The following USP42 variants were observed in gnomAD, a reference collection of about 807,000 sequenced individuals.
The protein encoded by USP42 is ubiquitin specific peptidase 42, also known as ubiquitin carboxyl-terminal hydrolase 42.
A neutral mutation model predicts 113.0 loss-of-function variants in USP42; 23 were observed. The observed-to-expected ratio is 0.20, with a 90% confidence interval of 0.15 to 0.29. The LOEUF (loss-of-function observed/expected upper bound fraction) is 0.29, where lower values mean the gene tolerates loss of function less well. Among genes scored for constraint, USP42 ranks in the 10% least tolerant of loss-of-function variants. The pLI, the probability that USP42 is intolerant of heterozygous loss-of-function variation, is 1.00. For synonymous variants in USP42, 933 were observed against 699.0 expected (o/e 1.33, Z -5.28); for missense variants, 2,174 against 1,779.8 (o/e 1.22, Z -3.99).
Position 6,159,534 on chromosome 7 carries a change from G to A in USP42, c.*36+41G>A. The A allele has an allele frequency of 6.3e-7, 1 of 1,584,020 alleles. No individual in the cohort carries two copies. Among genetic ancestry groups the A allele is most frequent in the Non-Finnish European group, 8.7e-7 (1 of 1,153,616 alleles). On this transcript the variant is annotated intron_variant, in intron 17 of 17. Transcript: ENST00000306177. This position sits in a 1 kb window ranked among gnomAD's most constrained non-coding sequence, Gnocchi z 4.1. ...GTCTGTTTCCTCATTGTTTGTGGTG[G>A]CGCTGAGGGGACGCAGGCAGAGGAG...
chr7:6,143,606 A>G (rs1781547660), intron 8 of USP42, among the ~76,000 whole-genome samples: 1 of 152,158 alleles, frequency 6.6e-6, no homozygotes, highest in Non-Finnish European at 1.5e-5. Flanking sequence ...TCAAATCTTC[A>G]AGACCAGAGG....
chr7:6,097,911 T>G, the USP42 span, among the ~76,000 whole-genome samples: 1 of 125,542 alleles, frequency 8.0e-6, no homozygotes, highest in Non-Finnish European at 1.7e-5. Flanking sequence ...TCTTTTCTTT[T>G]TTTTTTTTTT....
chr7:6,145,414 C>G (rs1781662829), intron 9 of USP42, 102 bp from the exon 10 acceptor site: 3 of 1,383,900 alleles, frequency 2.2e-6, no homozygotes, highest in East Asian at 2.3e-5. Context: ...CTCAGGTGTT[C>G]TGTGGGTCTC....
rs149175406 is a variant in USP42 at position 6,154,482 on chromosome 7, C to G, written c.2928C>G (p.His976Gln). The change falls in exon 15 of 18, where the codon CAC becomes CAG. Residue 976 changes from histidine (H) to glutamine (Q), a missense_variant. His to Gln is a conservative substitution (Grantham distance 24, BLOSUM62 0). Transcript: ENST00000306177. ...AGAGCAGGAGCAAGACTGAGGGCCA[C>G]CGTCACCGGCGGCGCCGCACCTGCC... ...ARESRSKTEGHRHRRRRTCPR... is the reference protein window; with the variant it reads ...ARESRSKTEGQRHRRRRTCPR... The G allele has an allele frequency of 2.6e-6, 4 of 1,550,506 alleles. No individual in the cohort carries two copies. Among genetic ancestry groups the G allele is most frequent in the Admixed American group, 2.0e-5 (1 of 51,270 alleles).
intron 7 of USP42, 46 bp downstream of exon 7, chr7:6,141,030 A>G: frequency 9.9e-7 from 1 of 1,006,572 alleles, no homozygotes; most frequent in Non-Finnish European, 1.5e-6. Flanking sequence ...AAAATAAGTC[A>G]TTTTATGTAA....
At chr7:6,091,934 T>C in the USP42 span, among the ~76,000 whole-genome samples, 17 of 150,614 alleles carry the variant, frequency 1.1e-4, no homozygotes, top group Admixed American at 2.0e-4. Context: ...TTCTATTCGA[T>C]ATCTGCCTGG....
the USP42 span, among the ~76,000 whole-genome samples, chr7:6,095,758 T>A: frequency 2.0e-5 from 3 of 150,922 alleles, no homozygotes; most frequent in East Asian, 5.8e-4. Flanking sequence ...GCTTCTCCTT[T>A]ACTGGATGGG....
At position 6,160,912 on chromosome 7, in the gene USP42, G is replaced by T. The variant is rs899565324; in HGVS notation, c.*394G>T. ...AGACCAACCGGGAGACCATGGAATT[G>T]TCAAAAGTACAAACTGACAGTGTGT... On this transcript the variant is annotated 3_prime_UTR_variant, in exon 18 of 18. Coordinates refer to ENST00000306177, the MANE Select transcript of USP42 (RefSeq NM_032172.3). The T allele has an allele frequency of 5.2e-5, 8 of 152,588 alleles. No individual in the cohort carries two copies. The highest frequency in any genetic ancestry group is 1.9e-4 in the African/African-American group (8 of 41,442). The allele number at this position is 152,588 out of a possible 1,614,324, so 9.5% of individuals were successfully genotyped here.
Position 6,149,890 on chromosome 7 carries a change from C to G in USP42, c.1694C>G (p.Ser565Cys). The change falls in exon 13 of 18, where the codon TCT (serine) becomes TGT (cysteine). Residue 565 changes from serine (S) to cysteine (C), a missense_variant. Coordinates refer to ENST00000306177, the MANE Select transcript of USP42 (RefSeq NM_032172.3). ...SSTITNSAVQ[S>C]TSNASTMSVS... ...ACCATTACCAATTCTGCAGTACAGT[C>G]TACCTCGAACGCATCTACGATGTCA... is the stretch of plus-strand genomic sequence containing the variant. 1 of 1,614,084 alleles carries G rather than the reference C, an allele frequency of 6.2e-7. No homozygotes were observed. The highest frequency in any genetic ancestry group is 8.5e-7 in the Non-Finnish European group (1 of 1,179,910).
At chr7:6,108,513 G>C (rs149351823) in intron 1 of USP42, among the ~76,000 whole-genome samples, 1 of 152,022 alleles carries the variant, frequency 6.6e-6, no homozygotes, top group Non-Finnish European at 1.5e-5. Flanking sequence ...ACAGAGTCTC[G>C]CTCTGTCGCC....
upstream of USP42, among the ~76,000 whole-genome samples, chr7:6,103,169 A>G (rs1790182481): frequency 6.6e-6 from 1 of 151,060 alleles, no homozygotes. Flanking sequence ...GGAGACAGCC[A>G]ATAAATGATT....
upstream of USP42, among the ~76,000 whole-genome samples, chr7:6,102,041 G>A (rs1260189121): frequency 1.3e-5 from 2 of 150,362 alleles, no homozygotes; most frequent in Non-Finnish European, 2.9e-5. Flanking sequence ...CTAGGAGACA[G>A]GGTGACATTC....
intron 1 of USP42, among the ~76,000 whole-genome samples, chr7:6,106,917 G>A (rs1779313780): frequency 6.6e-6 from 1 of 152,164 alleles, no homozygotes; most frequent in Admixed American, 6.6e-5. Context: ...ATCAGAAGCT[G>A]TTGCTTACAA....
At chr7:6,086,427 G>C in the USP42 span, among the ~76,000 whole-genome samples, 1 of 150,638 alleles carries the variant, frequency 6.6e-6, no homozygotes, top group Admixed American at 6.6e-5. Context: ...GGATGGTCTC[G>C]ATCTCCTGAC....
chr7:6,118,301 C>T (rs1433624311), intron 3 of USP42, among the ~76,000 whole-genome samples: 1 of 151,808 alleles, frequency 6.6e-6, no homozygotes, highest in Non-Finnish European at 1.5e-5. Context: ...GCGGGTGGCT[C>T]ACTTGAGTTC....
rs1187959520 is a variant in USP42, at chr7:6,108,029, C to G, written c.-10+2997C>G. Reference sequence around the variant, plus strand: ...GTGAAACCCGGCTCCACTAAAAATACAAAAATTAGCCGGGTGTGGTGGCAC... The same window carrying G: ...GTGAAACCCGGCTCCACTAAAAATAGAAAAATTAGCCGGGTGTGGTGGCAC... On this transcript the variant is annotated intron_variant, in intron 1 of 17. Coordinates refer to ENST00000306177, the MANE Select transcript of USP42 (RefSeq NM_032172.3). Among the ~76,000 whole-genome samples, 4 of 151,878 alleles carry G rather than the reference C, an allele frequency of 2.6e-5. No homozygotes were observed. The East Asian group carries it at 7.8e-4, about 29-fold the overall frequency.
intron 1 of USP42, among the ~76,000 whole-genome samples, chr7:6,109,616 A>C (rs970250540): frequency 2.0e-5 from 3 of 149,780 alleles, no homozygotes; most frequent in Non-Finnish European, 4.4e-5. Context: ...CTGGTCTCGA[A>C]CTCCTGGACT....
chr7:6,103,453 G>A (rs1790195583), upstream of USP42, among the ~76,000 whole-genome samples: 2 of 149,666 alleles, frequency 1.3e-5, no homozygotes, highest in African/African-American at 2.5e-5. Flanking sequence ...GGAGGCACAG[G>A]TTGCAGTGAG....
intron 15 of USP42, among the ~76,000 whole-genome samples, 172 bp from the exon 16 acceptor site, chr7:6,156,582 T>C (rs1782456555): frequency 6.6e-6 from 1 of 152,016 alleles, no homozygotes; most frequent in Non-Finnish European, 1.5e-5. Flanking sequence ...CCCGAGTAGC[T>C]GGGACTACAG....
Sources: gnomAD v4.1 joint callset for allele counts (sites outside exome capture counted in the v4.1 genomes callset) on GRCh38, gnomAD v4.1.1 for gene constraint, Gnocchi (gnomAD v3.1) non-coding constraint, MANE v1.5 for transcripts, NCBI Gene and HGNC (gene_info 2026-07-23, HGNC 2026-07-21) for gene names.